Variants in CDH18 observed in about 807,000 individuals in gnomAD.
CDH18 encodes cadherin 18, also known as cadherin-18.
In CDH18, 31 loss-of-function variants were observed where a neutral mutation model predicts 67.9. The ratio of observed to expected loss-of-function variants is 0.46; its 90% CI spans 0.34 to 0.62. CDH18 has a LOEUF of 0.62. Among genes scored for constraint, CDH18 ranks in the 20% least tolerant of loss-of-function variants. The pLI, the probability that CDH18 is intolerant of heterozygous loss-of-function variation, is 0.01. For synonymous variants in CDH18, 362 were observed against 347.2 expected (o/e 1.04, Z -0.48); for missense variants, 890 against 975.5 (o/e 0.91, Z 1.17).
chr5:20,158,078 A>G (rs932834764), intron 2 of CDH18, among the ~76,000 whole-genome samples: 2 of 152,288 alleles, frequency 1.3e-5, no homozygotes, highest in East Asian at 1.9e-4. Context: ...GAATTGGAGT[A>G]TTTCATACCA....
intron 4 of CDH18, among the ~76,000 whole-genome samples, chr5:19,741,150 A>T (rs1769071986): frequency 1.9e-5 from 1 of 52,882 alleles, no homozygotes. Context: ...GTATATGTAC[A>T]TCTATGTCAT....
intron 2 of CDH18, among the ~76,000 whole-genome samples, chr5:20,048,216 T>C (rs763700049): frequency 1.1e-4 from 17 of 151,662 alleles, no homozygotes; most frequent in Non-Finnish European, 2.1e-4. Flanking sequence ...AATGGTGCCA[T>C]ATTTTCAGTA....
At chr5:20,503,284 T>C (rs1754453091) in intron 1 of CDH18, among the ~76,000 whole-genome samples, 1 of 152,044 alleles carries the variant, frequency 6.6e-6, no homozygotes. Context: ...GTGACTTTTT[T>C]TTAATTGATA....
At chr5:20,488,347 C>T (rs1015727069) in intron 1 of CDH18, among the ~76,000 whole-genome samples, 5 of 151,856 alleles carry the variant, frequency 3.3e-5, no homozygotes, top group Admixed American at 2.6e-4. Context: ...TTTCACGTAC[C>T]CTTTTAAGAC....
At chr5:20,224,081 T>C (rs1741428498) in intron 2 of CDH18, among the ~76,000 whole-genome samples, 1 of 152,216 alleles carries the variant, frequency 6.6e-6, no homozygotes, top group Admixed American at 6.5e-5. Context: ...TATTCAAAAT[T>C]GTGGAAGCTT....
intron 5 of CDH18, among the ~76,000 whole-genome samples, chr5:19,693,030 G>C (rs1274112925): frequency 1.3e-5 from 2 of 151,354 alleles, no homozygotes; most frequent in Non-Finnish European, 2.9e-5. Context: ...AAGAAAATAA[G>C]GCTTATATAC....
At chr5:20,462,478 T>G (rs922304971) in intron 1 of CDH18, among the ~76,000 whole-genome samples, 2 of 152,158 alleles carry the variant, frequency 1.3e-5, no homozygotes, top group Non-Finnish European at 2.9e-5. Flanking sequence ...TATTTCATAA[T>G]AGCTAGAACA....
chr5:20,407,733 T>A (rs56786106), intron 1 of CDH18, among the ~76,000 whole-genome samples: 43,825 of 151,104 alleles, frequency 0.29, 6,657 homozygotes, highest in East Asian at 0.5. Context: ...TTTTTTTTTT[T>A]AAAAAACTTG....
At chr5:20,086,144 A>G (rs1744930963) in intron 2 of CDH18, among the ~76,000 whole-genome samples, 1 of 152,196 alleles carries the variant, frequency 6.6e-6, no homozygotes, top group East Asian at 1.9e-4. Context: ...TGATATGGTG[A>G]ATGTTTTATT....
intron 1 of CDH18, among the ~76,000 whole-genome samples, chr5:20,510,519 T>C (rs1754969100): frequency 6.6e-6 from 1 of 152,166 alleles, no homozygotes; most frequent in Non-Finnish European, 1.5e-5. Flanking sequence ...AAGATTTTCT[T>C]TGATGCGATT....
At chr5:20,571,901 A>G (rs1213318125) in intron 1 of CDH18, among the ~76,000 whole-genome samples, 1 of 151,952 alleles carries the variant, frequency 6.6e-6, no homozygotes, top group African/African-American at 2.4e-5. Flanking sequence ...AAGTTCATGG[A>G]CTCATTATTA....
chr5:19,732,548 T>C (rs1185847596), intron 4 of CDH18, among the ~76,000 whole-genome samples: 1 of 152,252 alleles, frequency 6.6e-6, no homozygotes, highest in African/African-American at 2.4e-5. Context: ...CACAGCTATG[T>C]CATCAAAATC....
intron 2 of CDH18, among the ~76,000 whole-genome samples, chr5:20,030,131 T>C (rs1445360450): frequency 6.6e-6 from 1 of 152,196 alleles, no homozygotes; most frequent in Non-Finnish European, 1.5e-5. Flanking sequence ...GACCTTGTAA[T>C]ACAACTTTAC....
At chr5:19,496,398 G>A (rs1174119575) in intron 11 of CDH18, among the ~76,000 whole-genome samples, 21 of 152,042 alleles carry the variant, frequency 1.4e-4, no homozygotes, top group Admixed American at 9.8e-4. Context: ...TTTTTGTCCC[G>A]TCCCAAATTC....
chr5:20,097,877 T>C (rs1746123655), intron 2 of CDH18, among the ~76,000 whole-genome samples: 1 of 152,136 alleles, frequency 6.6e-6, no homozygotes, highest in South Asian at 2.1e-4. Context: ...TTAGTTTGTA[T>C]AAGTTTTAGG....
intron 6 of CDH18, among the ~76,000 whole-genome samples, chr5:19,594,326 T>A (rs1745820954): frequency 6.6e-6 from 1 of 152,124 alleles, no homozygotes; most frequent in South Asian, 2.1e-4. Flanking sequence ...TAATTTTTTG[T>A]ATTTTTAGTA....
At chr5:20,531,073 G>A (rs1756370913) in intron 1 of CDH18, among the ~76,000 whole-genome samples, 1 of 152,026 alleles carries the variant, frequency 6.6e-6, no homozygotes, top group Admixed American at 6.6e-5. Flanking sequence ...TAAAAAGTGG[G>A]CAAAGGCCAT....
intron 2 of CDH18, among the ~76,000 whole-genome samples, chr5:19,850,580 C>T (rs938768480): frequency 6.6e-6 from 1 of 151,744 alleles, no homozygotes; most frequent in Non-Finnish European, 1.5e-5. Flanking sequence ...GAACAACTTC[C>T]ATATAGTGAA....
intron 1 of CDH18, among the ~76,000 whole-genome samples, chr5:19,982,313 A>G (rs1799136501): frequency 6.6e-6 from 1 of 152,162 alleles, no homozygotes; most frequent in African/African-American, 2.4e-5. Context: ...TTCAAATTAT[A>G]TCACATTAGT....
Sources: gnomAD v4.1 joint callset for allele counts (sites outside exome capture counted in the v4.1 genomes callset) on GRCh38, gnomAD v4.1.1 for gene constraint, MANE v1.5 for transcripts, NCBI Gene and HGNC (gene_info 2026-07-23, HGNC 2026-07-21) for gene names.